HHAT: variants seen among roughly 807,000 people sequenced by gnomAD.
The protein encoded by HHAT is protein-cysteine N-palmitoyltransferase HHAT.
In HHAT, 47 loss-of-function variants were observed where a neutral mutation model predicts 70.8. That is an observed-to-expected ratio of 0.66 (90% CI 0.53 to 0.85). HHAT has a LOEUF of 0.85. Among genes scored for constraint, HHAT ranks in the 40% least tolerant of loss-of-function variants. HHAT has a pLI of 0.00. For synonymous variants in HHAT, 228 were observed against 247.6 expected (o/e 0.92, Z 0.74); for missense variants, 609 against 604.8 (o/e 1.01, Z -0.07).
intron 11 of HHAT, among the ~76,000 whole-genome samples, chr1:210,672,866 G>A (rs920527167): frequency 2.6e-5 from 4 of 152,162 alleles, no homozygotes; most frequent in Non-Finnish European, 5.9e-5. Flanking sequence ...CCCCTTCTGT[G>A]TGCTTACAAA....
intron 8 of HHAT, among the ~76,000 whole-genome samples, chr1:210,500,181 A>G (rs1388374593): frequency 4.6e-5 from 7 of 152,204 alleles, no homozygotes; most frequent in African/African-American, 1.4e-4. Context: ...GGATCATGTG[A>G]TGTCTACTTT....
intron 9 of HHAT, among the ~76,000 whole-genome samples, chr1:210,542,770 G>C (rs1334900625): frequency 6.6e-6 from 1 of 152,154 alleles, no homozygotes; most frequent in Non-Finnish European, 1.5e-5. Context: ...CTGCACTCCA[G>C]TCTGGTTGAC....
chr1:210,533,922 C>T (rs1573098267), intron 9 of HHAT, among the ~76,000 whole-genome samples: 1 of 152,128 alleles, frequency 6.6e-6, no homozygotes, highest in East Asian at 1.9e-4. Flanking sequence ...TGTGCTGGCA[C>T]CTGGCGGCTT....
intron 9 of HHAT, among the ~76,000 whole-genome samples, chr1:210,530,504 A>C (rs1437558962): frequency 6.6e-6 from 1 of 152,222 alleles, no homozygotes. Context: ...AAAATGGGTG[A>C]CAGTACCGGC....
chr1:210,392,375 G>C (rs1418069085), intron 4 of HHAT, among the ~76,000 whole-genome samples: 2 of 152,038 alleles, frequency 1.3e-5, no homozygotes, highest in Non-Finnish European at 2.9e-5. Flanking sequence ...GCTTCCTGTA[G>C]ATCAGTGTTT....
intron 8 of HHAT, among the ~76,000 whole-genome samples, chr1:210,512,340 C>G (rs922564498): frequency 1.3e-5 from 2 of 152,242 alleles, no homozygotes; most frequent in African/African-American, 2.4e-5. Context: ...CCCACCCCCC[C>G]TCACCTGCTT....
chr1:210,633,692 C>T (rs968462927), intron 11 of HHAT, among the ~76,000 whole-genome samples: 1 of 152,222 alleles, frequency 6.6e-6, no homozygotes, highest in Admixed American at 6.5e-5. Context: ...GAATAACTAG[C>T]CTGGCAGTGT....
intron 10 of HHAT, among the ~76,000 whole-genome samples, chr1:210,609,854 T>C (rs560724493): frequency 2.0e-5 from 3 of 152,320 alleles, no homozygotes; most frequent in Admixed American, 2.0e-4. Context: ...ATTTCTTTTT[T>C]GGGCTACATA....
chr1:210,332,285 T>C (rs2085061043), intron 1 of HHAT, among the ~76,000 whole-genome samples: 3 of 152,260 alleles, frequency 2.0e-5, no homozygotes, highest in Non-Finnish European at 2.9e-5. Context: ...ACTTGAATAG[T>C]TGTGCAGCTG....
intron 7 of HHAT, among the ~76,000 whole-genome samples, chr1:210,429,363 C>T (rs537483372): frequency 2.0e-5 from 3 of 151,828 alleles, no homozygotes; most frequent in Admixed American, 6.5e-5. Context: ...CAGCCAAATG[C>T]GTCATTTGGT....
At chr1:210,631,536 C>T (rs1488003149) in intron 11 of HHAT, among the ~76,000 whole-genome samples, 1 of 152,242 alleles carries the variant, frequency 6.6e-6, no homozygotes, top group East Asian at 1.9e-4. Context: ...TTAGATTGCT[C>T]CCACGCCCTG....
At chr1:210,509,760 C>T (rs1252505578) in intron 8 of HHAT, among the ~76,000 whole-genome samples, 1 of 152,176 alleles carries the variant, frequency 6.6e-6, no homozygotes, top group Non-Finnish European at 1.5e-5. Context: ...CCACTAACCT[C>T]GCCTGCCTTT....
At chr1:210,662,466 A>G (rs1302499063) in intron 11 of HHAT, among the ~76,000 whole-genome samples, 3 of 152,122 alleles carry the variant, frequency 2.0e-5, no homozygotes, top group Non-Finnish European at 4.4e-5. Context: ...TAGTGTGGTC[A>G]TGAATTAATA....
chr1:210,330,963 G>A lies in HHAT; in HGVS notation c.-44+1859G>A, dbSNP rs552402870. Among the ~76,000 whole-genome samples the A allele has an allele frequency of 7.9e-5, 12 of 152,110 alleles. No individual in the cohort carries two copies. The East Asian group carries it at 1.7e-3, about 22-fold the overall frequency. On this transcript the variant is annotated intron_variant, in intron 1 of 11. Transcript: ENST00000261458. ...CCTCCGGAGTAGCTTACAGGCATGC[G>A]ACACCACATCTGGCTAATTTTTGTA...
intron 6 of HHAT, among the ~76,000 whole-genome samples, chr1:210,407,178 A>G (rs1176900626): frequency 6.6e-6 from 1 of 152,204 alleles, no homozygotes; most frequent in African/African-American, 2.4e-5. Flanking sequence ...CTTGCAGTGA[A>G]AGGGTTCTTT....
intron 2 of HHAT, among the ~76,000 whole-genome samples, chr1:210,361,030 G>A (rs1055856450): frequency 6.6e-6 from 1 of 151,944 alleles, no homozygotes; most frequent in Non-Finnish European, 1.5e-5. Context: ...TGAGGCTAGC[G>A]TGTAAATGCC....
At chr1:210,669,501 A>G (rs995577311) in intron 11 of HHAT, among the ~76,000 whole-genome samples, 42 of 152,152 alleles carry the variant, frequency 2.8e-4, no homozygotes, top group African/African-American at 9.9e-4. Context: ...AATTGAATCT[A>G]TTGTGCCATA....
intron 6 of HHAT, among the ~76,000 whole-genome samples, chr1:210,417,674 C>G (rs980076857): frequency 1.3e-5 from 2 of 152,216 alleles, no homozygotes; most frequent in Non-Finnish European, 2.9e-5. Flanking sequence ...ATCATTTTCC[C>G]TTGCTCTCAG....
At chr1:210,360,855 T>TTTC (rs2088222473) in intron 2 of HHAT, among the ~76,000 whole-genome samples, 1 of 151,256 alleles carries the variant, frequency 6.6e-6, no homozygotes, top group Admixed American at 6.6e-5. Flanking sequence ...ACTTTTTTTT[T>TTTC]TTTTTTTTTT....
Sources: gnomAD v4.1 joint callset for allele counts (sites outside exome capture counted in the v4.1 genomes callset) on GRCh38, gnomAD v4.1.1 for gene constraint, MANE v1.5 for transcripts, NCBI Gene and HGNC (gene_info 2026-07-23, HGNC 2026-07-21) for gene names.